Variants in RGS22 observed in about 807,000 individuals in gnomAD.
RGS22 encodes regulator of G protein signaling 22.
In RGS22, 148 loss-of-function variants were observed where a neutral mutation model predicts 172.9. The ratio of observed to expected loss-of-function variants is 0.86; its 90% CI spans 0.75 to 0.98. The LOEUF is 0.98. RGS22 is among the 50% of genes least tolerant of loss of function. The pLI, the probability that RGS22 is intolerant of heterozygous loss-of-function variation, is 0.00. For synonymous variants in RGS22, 458 were observed against 480.2 expected (o/e 0.95, Z 0.60); for missense variants, 1,347 against 1,440.8 (o/e 0.93, Z 1.05).
chr8:100,086,115 A>G (rs1424155416), intron 3 of RGS22, among the ~76,000 whole-genome samples: 1 of 152,126 alleles, frequency 6.6e-6, no homozygotes, highest in Non-Finnish European at 1.5e-5. Context: ...TGAATTCACA[A>G]AAGTAATAGC....
At chr8:100,030,038 G>A (rs774263968) in intron 14 of RGS22, among the ~76,000 whole-genome samples, 1 of 152,168 alleles carries the variant, frequency 6.6e-6, no homozygotes, top group Non-Finnish European at 1.5e-5. Context: ...ATATTCAAAG[G>A]TGGAAAAACC....
At chr8:100,093,703 G>GA (rs1428125482) in intron 2 of RGS22, among the ~76,000 whole-genome samples, 194 bp from the exon 3 acceptor site, 3 of 151,896 alleles carry the variant, frequency 2.0e-5, no homozygotes, top group Non-Finnish European at 4.4e-5. Context: ...TCTCTGAAAG[G>GA]AAAAAATAAG....
At position 100,008,401 on chromosome 8, in the gene RGS22, T is replaced by G. The variant is rs373425471; in HGVS notation, c.2335A>C (p.Lys779Gln). 3 of 1,610,630 alleles carry G rather than the reference T, an allele frequency of 1.9e-6. No individual in the cohort carries two copies. The African/African-American group carries it at 4.0e-5, about 22-fold the overall frequency. ...LLLEPWTKMV[K>Q]SDQIAYKKVE... ...TTTTTATAAGCAATTTGGTCCGATT[T>G]TACCATCTTTGTCCATGGCTCAAGA... The change falls in exon 15 of 28, where the codon AAA becomes CAA. Residue 779 changes from lysine to glutamine, a missense_variant. Coordinates refer to ENST00000360863, the MANE Select transcript of RGS22 (RefSeq NM_015668.5).
rs78009878 is a variant in RGS22, at chr8:100,089,635, G to A, written c.117+3812C>T. Among the ~76,000 whole-genome samples the A allele has an allele frequency of 2.1e-4, 32 of 152,208 alleles. No individual in the cohort carries two copies. The East Asian group carries it at 5.2e-3, about 25-fold the overall frequency. On this transcript the variant is annotated intron_variant, in intron 3 of 27. Coordinates refer to ENST00000360863, the MANE Select transcript of RGS22 (RefSeq NM_015668.5). ...CCAAAAATGGAACACAACGGTCTAA[G>A]TGCAGTCTGACAATTTAACTCTATT...
intron 9 of RGS22, among the ~76,000 whole-genome samples, chr8:100,058,526 G>C (rs112942054): frequency 2.0e-5 from 3 of 152,072 alleles, no homozygotes; most frequent in Non-Finnish European, 2.9e-5. Context: ...AACATTATAG[G>C]CCACGAGAGA....
At chr8:99,971,462 G>A (rs1465666957) in intron 23 of RGS22, among the ~76,000 whole-genome samples, 1 of 152,156 alleles carries the variant, frequency 6.6e-6, no homozygotes, top group African/African-American at 2.4e-5. Context: ...TGACAGGATT[G>A]TATATTTAGA....
At chr8:100,076,018 C>T (rs1811322845) in intron 4 of RGS22, among the ~76,000 whole-genome samples, 1 of 151,828 alleles carries the variant, frequency 6.6e-6, no homozygotes, top group South Asian at 2.1e-4. Context: ...TATTGTTTAT[C>T]TTATTTGGAG....
chr8:100,017,896 TGC>T (rs1200409290), intron 14 of RGS22, among the ~76,000 whole-genome samples: 1 of 152,160 alleles, frequency 6.6e-6, no homozygotes. Flanking sequence ...GAGAAGAAAA[TGC>T]TCCCTTCATA....
chr8:100,031,812 AG>A (rs1393748109), intron 14 of RGS22, among the ~76,000 whole-genome samples: 1 of 152,016 alleles, frequency 6.6e-6, no homozygotes, highest in African/African-American at 2.4e-5. Flanking sequence ...AAAAAACTGT[AG>A]AACTCTCGGC....
At position 99,972,101 on chromosome 8, in the gene RGS22, C is replaced by A. The variant is rs1265615121; in HGVS notation, c.3519+5816G>T. On this transcript the variant is annotated intron_variant, in intron 23 of 27. Transcript: ENST00000360863. ...AGGCCTCAGAAATAACATCATACAT[C>A]TACAACCATCTGATCTTCGACAAAC... is the stretch of plus-strand genomic sequence containing the variant. 2.0e-5 allele frequency among the ~76,000 whole-genome samples: 3 copies of A among 152,118 alleles called. No individual in the cohort carries two copies. In the East Asian group the frequency reaches 5.8e-4, roughly 29 times the overall value.
chr8:100,030,194 T>C (rs995839328), intron 14 of RGS22, among the ~76,000 whole-genome samples: 1 of 152,234 alleles, frequency 6.6e-6, no homozygotes, highest in Non-Finnish European at 1.5e-5. Flanking sequence ...CTGTAGCACA[T>C]GTATTACTCA....
chr8:100,013,126 A>G (rs1431784651), intron 14 of RGS22, among the ~76,000 whole-genome samples: 1 of 151,792 alleles, frequency 6.6e-6, no homozygotes, highest in Non-Finnish European at 1.5e-5. Context: ...AGTAGCTGGG[A>G]CTACAGGTGT....
At chr8:100,070,406 T>C (rs1255850672) in intron 6 of RGS22, among the ~76,000 whole-genome samples, 1 of 152,178 alleles carries the variant, frequency 6.6e-6, no homozygotes, top group Non-Finnish European at 1.5e-5. Flanking sequence ...TTCAAAAAAC[T>C]ATTTGAGATC....
At chr8:100,041,547 C>G (rs1452198828) in intron 12 of RGS22, among the ~76,000 whole-genome samples, 1 of 151,442 alleles carries the variant, frequency 6.6e-6, no homozygotes, top group Non-Finnish European at 1.5e-5. Flanking sequence ...ATTTTTCTTT[C>G]AAGTGTCATC....
intron 20 of RGS22, among the ~76,000 whole-genome samples, chr8:99,987,944 T>C (rs1474270380): frequency 6.6e-6 from 1 of 151,884 alleles, no homozygotes; most frequent in African/African-American, 2.4e-5. Flanking sequence ...CAGAACAAAG[T>C]AATCATAATG....
intron 9 of RGS22, among the ~76,000 whole-genome samples, chr8:100,061,896 C>G (rs1410711241): frequency 6.6e-6 from 1 of 152,160 alleles, no homozygotes; most frequent in Non-Finnish European, 1.5e-5. Flanking sequence ...AGGAATCAAC[C>G]TAAATGCCCA....
intron 14 of RGS22, among the ~76,000 whole-genome samples, chr8:100,012,949 C>A (rs534554320): frequency 6.9e-6 from 1 of 144,066 alleles, no homozygotes; most frequent in Non-Finnish European, 1.5e-5. Context: ...AAGAAAAGTT[C>A]TCATATAGAA....
Position 100,105,935 on chromosome 8 carries a change from C to T in RGS22, c.-14G>A. 2.7e-6 allele frequency: 4 copies of T among 1,480,528 alleles called. No individual in the cohort carries two copies. Among genetic ancestry groups the T allele is most frequent in the Non-Finnish European group, 3.6e-6 (4 of 1,118,492 alleles). 91.7% of individuals were successfully genotyped at this position (1,480,528 alleles called of 1,614,324 possible). ...CTTCTCGGGCATGCCGTCCCCGCTG[C>T]CCGCGCCTGGAGCCCGCGCGGGCCG... is the stretch of plus-strand genomic sequence containing the variant. On this transcript the variant is annotated 5_prime_UTR_variant, in exon 1 of 28. Coordinates refer to ENST00000360863, the MANE Select transcript of RGS22 (RefSeq NM_015668.5).
chr8:100,063,777 T>C lies in RGS22; in HGVS notation c.991A>G (p.Ile331Val), dbSNP rs1349623074. The change falls in exon 8 of 28, where the codon ATT becomes GTT. Residue 331 changes from isoleucine to valine, a missense_variant. Physicochemically the swap from Ile to Val is conservative, Grantham distance 29. Transcript: ENST00000360863. ...GTTTCTCCAACTGGCTTTCCAACAA[T>C]TTGCTGAATTGCTCCTCTCAAAATA... is the stretch of plus-strand genomic sequence containing the variant. ...YFILRGAIQQ[I>V]VGKPVGETPD... 1 of 1,614,080 alleles carries C rather than the reference T, an allele frequency of 6.2e-7. No individual in the cohort carries two copies. The highest frequency in any genetic ancestry group is 8.5e-7 in the Non-Finnish European group (1 of 1,179,992).
Sources: allele counts gnomAD v4.1 joint callset (sites outside exome capture counted in the v4.1 genomes callset), GRCh38; gene constraint gnomAD v4.1.1; transcripts MANE v1.5; gene names NCBI Gene and HGNC (gene_info 2026-07-23, HGNC 2026-07-21).